Variants in KCNAB1 observed in about 807,000 individuals in gnomAD.
KCNAB1 encodes voltage-gated potassium channel subunit beta-1.
Under a neutral mutation model 64.6 loss-of-function variants are expected in KCNAB1, and 35 were observed. That is an observed-to-expected ratio of 0.54 (90% CI 0.41 to 0.72). KCNAB1 has a LOEUF of 0.72. KCNAB1 is among the 30% of genes least tolerant of loss of function. KCNAB1 has a pLI of 0.00. For missense variants in KCNAB1, 401 were observed against 512.9 expected, an observed-to-expected ratio of 0.78 and a Z score of 2.11; for synonymous variants, 177 against 183.8, an observed-to-expected ratio of 0.96 and a Z score of 0.30.
At chr3:156,223,055 G>A (rs1010882760) in intron 1 of KCNAB1, among the ~76,000 whole-genome samples, 9 of 152,174 alleles carry the variant, frequency 5.9e-5, no homozygotes, top group East Asian at 1.9e-4. Flanking sequence ...ATGAAGCCAC[G>A]GACCCTCACA....
intron 1 of KCNAB1, among the ~76,000 whole-genome samples, chr3:156,164,964 AT>A (rs1311890125): frequency 6.6e-6 from 1 of 152,194 alleles, no homozygotes; most frequent in Admixed American, 6.5e-5. Flanking sequence ...AATGCTTTTG[AT>A]GTTGAAAGAA....
At chr3:156,474,164 C>T (rs1714167877) in intron 7 of KCNAB1, among the ~76,000 whole-genome samples, 1 of 152,070 alleles carries the variant, frequency 6.6e-6, no homozygotes, top group Non-Finnish European at 1.5e-5. Context: ...ATTTTATGTT[C>T]CTTAAACTTT....
intron 1 of KCNAB1, among the ~76,000 whole-genome samples, chr3:156,346,737 T>G (rs754674493): frequency 1.3e-5 from 2 of 152,210 alleles, no homozygotes; most frequent in Non-Finnish European, 2.9e-5. Context: ...CATAAAAAAT[T>G]AAGTAGTCAA....
chr3:156,222,913 CTG>C, intron 1 of KCNAB1, among the ~76,000 whole-genome samples: 1 of 152,298 alleles, frequency 6.6e-6, no homozygotes, highest in Middle Eastern at 3.4e-3. Context: ...ATCAAAACCT[CTG>C]GGATATAGCA....
chr3:156,529,750 A>G (rs1435500439), intron 12 of KCNAB1, among the ~76,000 whole-genome samples: 1 of 152,250 alleles, frequency 6.6e-6, no homozygotes, highest in East Asian at 1.9e-4. Flanking sequence ...AGAACAGGAC[A>G]GTTCTTAAAG....
intron 1 of KCNAB1, among the ~76,000 whole-genome samples, chr3:156,172,261 C>T (rs1712047627): frequency 6.7e-6 from 1 of 150,004 alleles, no homozygotes; most frequent in African/African-American, 2.4e-5. Flanking sequence ...GAAGCCTTGC[C>T]TTTCTGCATA....
intron 1 of KCNAB1, among the ~76,000 whole-genome samples, chr3:156,352,135 C>A (rs978222509): frequency 2.6e-5 from 4 of 152,178 alleles, no homozygotes; most frequent in Non-Finnish European, 5.9e-5. Flanking sequence ...GAGCACACTG[C>A]GACTGTCCTG....
intron 1 of KCNAB1, chr3:156,292,210 T>C (rs1720485689): frequency 6.8e-7 from 1 of 1,472,754 alleles, no homozygotes; most frequent in Non-Finnish European, 9.4e-7. Context: ...TTTTGAAAAG[T>C]GATTTACTCA....
intron 1 of KCNAB1, among the ~76,000 whole-genome samples, chr3:156,168,824 T>G (rs1711772944): frequency 2.0e-5 from 3 of 152,164 alleles, no homozygotes; most frequent in African/African-American, 7.2e-5. Context: ...TACTGAAAAA[T>G]GGAAGGCAGA....
intron 1 of KCNAB1, among the ~76,000 whole-genome samples, chr3:156,198,913 ATTTTTTTTTTTT>A (rs71138701): frequency 4.7e-5 from 1 of 21,294 alleles, no homozygotes; most frequent in Non-Finnish European, 9.0e-5. Flanking sequence ...TTATATTTTG[ATTTTTTTTTTTT>A]TTTTTTTTTT....
At chr3:156,331,085 G>C (rs1723297969) in intron 1 of KCNAB1, among the ~76,000 whole-genome samples, 1 of 152,166 alleles carries the variant, frequency 6.6e-6, no homozygotes, top group Non-Finnish European at 1.5e-5. Flanking sequence ...CCTCAGGCTG[G>C]AGAGGGGCTC....
At chr3:156,270,250 T>G (rs547321501) in intron 1 of KCNAB1, among the ~76,000 whole-genome samples, 38 of 152,270 alleles carry the variant, frequency 2.5e-4, no homozygotes, top group Middle Eastern at 3.4e-3. Flanking sequence ...ACTCTATGTA[T>G]TTTGACTGGA....
At chr3:156,152,133 A>G (rs779500603) in intron 1 of KCNAB1, among the ~76,000 whole-genome samples, 1 of 152,174 alleles carries the variant, frequency 6.6e-6, no homozygotes, top group Non-Finnish European at 1.5e-5. Context: ...CTGGAACTTT[A>G]GGCCCAAAGC....
chr3:156,526,804 A>AT (rs976062612), intron 12 of KCNAB1, among the ~76,000 whole-genome samples: 4 of 152,142 alleles, frequency 2.6e-5, no homozygotes, highest in Non-Finnish European at 5.9e-5. Context: ...AAGAAATGAG[A>AT]TAAAAGAATT....
chr3:156,312,214 A>G (rs1017563770), intron 1 of KCNAB1, among the ~76,000 whole-genome samples: 4 of 152,204 alleles, frequency 2.6e-5, no homozygotes, highest in Non-Finnish European at 4.4e-5. Flanking sequence ...GGCGACAGGT[A>G]TTGTGACTAT....
intron 7 of KCNAB1, 86 bp downstream of exon 7, chr3:156,465,772 G>A: frequency 8.9e-7 from 1 of 1,120,226 alleles, no homozygotes; most frequent in Non-Finnish European, 1.4e-6. Context: ...GAACACACTG[G>A]AAGAGGAAAA....
intron 8 of KCNAB1, among the ~76,000 whole-genome samples, chr3:156,511,630 T>G (rs1035673372): frequency 1.3e-5 from 2 of 152,118 alleles, no homozygotes; most frequent in Non-Finnish European, 2.9e-5. Context: ...CATCCACCAC[T>G]CTCTCTGTTT....
intron 1 of KCNAB1, 136 bp from the exon 2 acceptor site, chr3:156,421,480 A>G: frequency 2.5e-6 from 2 of 790,576 alleles, no homozygotes; most frequent in South Asian, 3.7e-5. Flanking sequence ...TCTCAAGACA[A>G]TATGCCGGCA....
intron 1 of KCNAB1, among the ~76,000 whole-genome samples, chr3:156,279,675 G>A (rs1006656949): frequency 1.3e-5 from 2 of 152,124 alleles, no homozygotes; most frequent in African/African-American, 4.8e-5. Context: ...GGTGTGAGAT[G>A]GTATCTCATT....
Sources: allele counts gnomAD v4.1 joint callset (sites outside exome capture counted in the v4.1 genomes callset), GRCh38; gene constraint gnomAD v4.1.1; transcripts MANE v1.5; gene names NCBI Gene and HGNC (gene_info 2026-07-23, HGNC 2026-07-21).